ULK4: variants seen among roughly 807,000 people sequenced by gnomAD.
ULK4 encodes the protein unc-51 like kinase 4.
A neutral mutation model predicts 160.6 loss-of-function variants in ULK4; 133 were observed. The ratio of observed to expected loss-of-function variants is 0.83; its 90% confidence interval spans 0.72 to 0.96. The LOEUF (loss-of-function observed/expected upper bound fraction) is 0.96, where lower values mean the gene tolerates loss of function less well. Among genes scored for constraint, ULK4 ranks in the 40% least tolerant of loss-of-function variants. The pLI is 0.00. For missense variants in ULK4, 1,580 were observed against 1,499.5 expected (o/e 1.05, Z -0.89); for synonymous variants, 534 against 539.8 (o/e 0.99, Z 0.15).
chr3:41,673,654 T>G (rs2035609785), intron 29 of ULK4, among the ~76,000 whole-genome samples: 1 of 151,808 alleles, frequency 6.6e-6, no homozygotes. Context: ...ATGATCTCTT[T>G]TCAATACACT....
Position 41,717,878 on chromosome 3 carries a change from G to A in ULK4, c.2322-17C>T, listed in dbSNP as rs1180286650. On this transcript the variant is annotated splice_polypyrimidine_tract_variant and intron_variant, in intron 22 of 36. Coordinates refer to ENST00000301831, the MANE Select transcript of ULK4 (RefSeq NM_017886.4). ...ATCACCAGTCTACATACAGGAAAGT[G>A]CAAAGATTACCTCTCATGATAAAAC... is the stretch of plus-strand genomic sequence containing the variant. 6.2e-6 allele frequency: 10 copies of A among 1,612,026 alleles called. No homozygotes were observed. The highest frequency in any genetic ancestry group is 8.5e-6 in the Non-Finnish European group (10 of 1,178,584).
At chr3:41,656,229 G>A (rs903363325) in intron 30 of ULK4, among the ~76,000 whole-genome samples, 1 of 151,772 alleles carries the variant, frequency 6.6e-6, no homozygotes, top group African/African-American at 2.4e-5. Context: ...GGGGCGGGGG[G>A]AAAGAAGGAA....
At chr3:41,913,771 T>C (rs1298920263) in intron 8 of ULK4, among the ~76,000 whole-genome samples, 1 of 152,106 alleles carries the variant, frequency 6.6e-6, no homozygotes, top group African/African-American at 2.4e-5. Context: ...GAGGCCAGCC[T>C]GGACAATGTG....
At chr3:41,497,642 G>T (rs1051689023) in intron 32 of ULK4, among the ~76,000 whole-genome samples, 15 of 151,958 alleles carry the variant, frequency 9.9e-5, no homozygotes, top group South Asian at 2.1e-4. Context: ...CACAAATAAG[G>T]ACATTCCATA....
At chr3:41,895,398 C>T in intron 16 of ULK4, 120 bp downstream of exon 16, 1 of 495,394 alleles carries the variant, frequency 2.0e-6, no homozygotes. Context: ...TGAGTAGAGT[C>T]ATCATTACAT....
intron 32 of ULK4, among the ~76,000 whole-genome samples, chr3:41,552,155 T>A (rs2087093266): frequency 6.6e-6 from 1 of 151,992 alleles, no homozygotes; most frequent in African/African-American, 2.4e-5. Flanking sequence ...GCTAACATCA[T>A]GCTGTATGGT....
chr3:41,701,880 T>C lies in ULK4; in HGVS notation c.2781+3177A>G, dbSNP rs192821831. Among the ~76,000 whole-genome samples the C allele has an allele frequency of 6.7e-4, 102 of 152,168 alleles. 2 individuals are homozygous for C. Among genetic ancestry groups the C allele is most frequent in the African/African-American group, 2.5e-3 (102 of 41,544 alleles). Reference sequence around the variant, plus strand: ...TTTTAATACATTAATAGGCATGATGTAAATTTTAAAGTAACCAGTAAAAGA... The same window carrying C: ...TTTTAATACATTAATAGGCATGATGCAAATTTTAAAGTAACCAGTAAAAGA... On this transcript the variant is annotated intron_variant, in intron 27 of 36. Coordinates refer to ENST00000301831, the MANE Select transcript of ULK4 (RefSeq NM_017886.4).
At chr3:41,673,217 C>A (rs2035595622) in intron 29 of ULK4, among the ~76,000 whole-genome samples, 1 of 151,982 alleles carries the variant, frequency 6.6e-6, no homozygotes, top group Admixed American at 6.6e-5. Context: ...TGATTCTTAT[C>A]AAAGATGGTC....
chr3:41,264,707 T>C (rs1360091394), intron 35 of ULK4, among the ~76,000 whole-genome samples: 4 of 152,208 alleles, frequency 2.6e-5, no homozygotes, highest in East Asian at 1.9e-4. Context: ...TGGAAGGAGA[T>C]GGATTAATCG....
At chr3:41,942,870 A>C (rs369564543) in intron 2 of ULK4, among the ~76,000 whole-genome samples, 2 of 151,982 alleles carry the variant, frequency 1.3e-5, no homozygotes, top group Non-Finnish European at 2.9e-5. Context: ...GTTTTAACCA[A>C]TTATATGTTG....
intron 2 of ULK4, among the ~76,000 whole-genome samples, chr3:41,950,177 T>A (rs1553691676): frequency 6.6e-6 from 1 of 151,710 alleles, no homozygotes; most frequent in Non-Finnish European, 1.5e-5. Flanking sequence ...ACCCCTGCCA[T>A]CCAGGCTCAA....
intron 22 of ULK4, among the ~76,000 whole-genome samples, chr3:41,722,895 C>T (rs765699721): frequency 6.6e-6 from 1 of 152,154 alleles, no homozygotes; most frequent in African/African-American, 2.4e-5. Context: ...GACACTGTTG[C>T]ATCTGTCTCC....
intron 17 of ULK4, among the ~76,000 whole-genome samples, chr3:41,871,640 C>A (rs1260914181): frequency 6.6e-6 from 1 of 152,158 alleles, no homozygotes; most frequent in African/African-American, 2.4e-5. Flanking sequence ...ATTCATATAG[C>A]CTCTTTGGTA....
intron 32 of ULK4, among the ~76,000 whole-genome samples, chr3:41,508,625 T>C (rs2085473834): frequency 6.6e-6 from 1 of 152,064 alleles, no homozygotes; most frequent in South Asian, 2.1e-4. Flanking sequence ...CCGAAAGACA[T>C]AAAGATGGAT....
intron 25 of ULK4, among the ~76,000 whole-genome samples, chr3:41,712,089 G>A (rs899775084): frequency 4.6e-5 from 7 of 151,950 alleles, no homozygotes; most frequent in Non-Finnish European, 2.9e-5. Context: ...TAAAATATAA[G>A]GTGACCAAAA....
intron 27 of ULK4, among the ~76,000 whole-genome samples, chr3:41,685,646 G>A (rs185050934): frequency 1.3e-5 from 2 of 152,280 alleles, no homozygotes; most frequent in Admixed American, 6.5e-5. Context: ...ATCGCAACCA[G>A]TTGTGCTGAC....
chr3:41,857,762 T>A (rs1270563596), intron 17 of ULK4, among the ~76,000 whole-genome samples: 1 of 152,230 alleles, frequency 6.6e-6, no homozygotes, highest in Non-Finnish European at 1.5e-5. Flanking sequence ...ATAGTTGACA[T>A]AGCAGTCGCT....
intron 32 of ULK4, among the ~76,000 whole-genome samples, chr3:41,537,105 G>C (rs777720867): frequency 6.6e-6 from 1 of 152,030 alleles, no homozygotes; most frequent in Non-Finnish European, 1.5e-5. Flanking sequence ...CTCCATCAAG[G>C]TGTCTTCTTT....
At chr3:41,539,035 G>GTTTTTTTTTT (rs11425607) in intron 32 of ULK4, among the ~76,000 whole-genome samples, 1 of 139,920 alleles carries the variant, frequency 7.1e-6, no homozygotes, top group African/African-American at 2.6e-5. Context: ...CTTTTTCTTA[G>GTTTTTTTTTT]TTTTTTTTTT....
Sources: allele counts gnomAD v4.1 joint callset (sites outside exome capture counted in the v4.1 genomes callset), GRCh38; gene constraint gnomAD v4.1.1; transcripts MANE v1.5; gene names NCBI Gene and HGNC (gene_info 2026-07-23, HGNC 2026-07-21).